The following CROT variants were observed in gnomAD, a reference collection of about 807,000 sequenced individuals.
CROT encodes the protein carnitine O-octanoyltransferase.
A neutral mutation model predicts 89.2 loss-of-function variants in CROT; 84 were observed. The ratio of observed to expected loss-of-function variants is 0.94; its 90% CI spans 0.79 to 1.13. The LOEUF is 1.13. CROT is among the 50% of genes most tolerant of loss of function. CROT has a pLI of 0.00. For missense variants in CROT, 711 were observed against 727.8 expected, an observed-to-expected ratio of 0.98 and a Z score of 0.27; for synonymous variants, 212 against 239.5, an observed-to-expected ratio of 0.89 and a Z score of 1.06.
chr7:87,390,288 T>C (rs1442004243), intron 13 of CROT, among the ~76,000 whole-genome samples: 1 of 152,190 alleles, frequency 6.6e-6, no homozygotes, highest in Non-Finnish European at 1.5e-5. Flanking sequence ...CCAGCATCTA[T>C]TATAAAAAGT....
intron 10 of CROT, among the ~76,000 whole-genome samples, chr7:87,380,488 G>C (rs544258952): frequency 1.1e-5 from 1 of 89,834 alleles, no homozygotes; most frequent in South Asian, 3.9e-4. Context: ...AGTTTAATTA[G>C]AAAGCAAAGT....
intron 7 of CROT, among the ~76,000 whole-genome samples, chr7:87,371,434 C>A (rs575868483): frequency 6.6e-6 from 1 of 152,252 alleles, no homozygotes; most frequent in South Asian, 2.1e-4. Context: ...GTGACCATTT[C>A]TTTATGATAT....
chr7:87,361,555 T>C lies in CROT; in HGVS notation c.406T>C (p.Trp136Arg). 6.3e-7 allele frequency: 1 copy of C among 1,594,070 alleles called. No homozygotes were observed. The highest frequency in any genetic ancestry group is 8.5e-7 in the Non-Finnish European group (1 of 1,171,318). ...SITLWHNLNY[W>R]QLLRKEKVPV... ...AACTCTTTGGCATAACTTGAACTAC[T>C]GGCAGCTATTAAGAAAGTAAGGACA... is the stretch of plus-strand genomic sequence containing the variant. Residue 136 changes from tryptophan to arginine, a missense_variant, in exon 5 of 18, where the codon TGG becomes CGG. Physicochemically the swap from Trp to Arg is moderately radical, Grantham distance 101. Coordinates refer to ENST00000331536, the MANE Select transcript of CROT (RefSeq NM_021151.4).
intron 7 of CROT, among the ~76,000 whole-genome samples, chr7:87,372,018 A>G (rs1171069344): frequency 6.6e-6 from 1 of 151,320 alleles, no homozygotes; most frequent in Non-Finnish European, 1.5e-5. Flanking sequence ...AAAAAAAAAA[A>G]AACAAAAAAA....
At chr7:87,363,896 G>A (rs1175060560) in intron 6 of CROT, among the ~76,000 whole-genome samples, 1 of 152,048 alleles carries the variant, frequency 6.6e-6, no homozygotes, top group African/African-American at 2.4e-5. Flanking sequence ...GATGTATTTT[G>A]GATTTTGGGT....
At chr7:87,355,661 C>T (rs946869162) in intron 3 of CROT, among the ~76,000 whole-genome samples, 1 of 152,002 alleles carries the variant, frequency 6.6e-6, no homozygotes, top group Non-Finnish European at 1.5e-5. Context: ...GTGTCACTAG[C>T]GAGACACAGA....
intron 14 of CROT, 49 bp downstream of exon 14, chr7:87,391,761 A>G (rs1261972261): frequency 6.3e-7 from 1 of 1,576,352 alleles, no homozygotes; most frequent in Non-Finnish European, 8.6e-7. Flanking sequence ...TAATTGTTCT[A>G]AAGGAACCGT....
chr7:87,359,439 G>T, intron 4 of CROT, 109 bp downstream of exon 4: 2 of 1,455,666 alleles, frequency 1.4e-6, no homozygotes, highest in Non-Finnish European at 1.8e-6. Context: ...AGTTATTATT[G>T]TTATTTTCAT....
At chr7:87,377,569 T>G in intron 10 of CROT, 119 bp downstream of exon 10, 1 of 617,706 alleles carries the variant, frequency 1.6e-6, no homozygotes, top group Non-Finnish European at 2.8e-6. Flanking sequence ...TTTATGGCAC[T>G]GTGGTGAAAA....
At chr7:87,391,162 C>G (rs1259076656) in intron 13 of CROT, among the ~76,000 whole-genome samples, 1 of 152,248 alleles carries the variant, frequency 6.6e-6, no homozygotes, top group Admixed American at 6.5e-5. Flanking sequence ...AGCATGGCAG[C>G]TGGCTTTCTT....
Position 87,377,336 on chromosome 7 carries a change from A to T in CROT, c.877-13A>T. The stretch of plus-strand genomic sequence containing the variant: ...TAAACCCTTTTAATTTGGAAAAATT[A>T]AATTTATTTTAGATTATTGCAGCCA... On this transcript the variant is annotated splice_polypyrimidine_tract_variant and intron_variant, in intron 9 of 17. Transcript: ENST00000331536. 2 of 1,540,666 alleles carry T rather than the reference A, an allele frequency of 1.3e-6. No individual in the cohort carries two copies. Among genetic ancestry groups the T allele is most frequent in the Non-Finnish European group, 1.8e-6 (2 of 1,123,226 alleles).
At chr7:87,355,477 T>C (rs775725991) in intron 3 of CROT, among the ~76,000 whole-genome samples, 13 of 152,198 alleles carry the variant, frequency 8.5e-5, no homozygotes, top group Non-Finnish European at 1.6e-4. Context: ...CTTTCATAGG[T>C]AAATTTTAAA....
rs760105748 is a variant in CROT, at chr7:87,361,575, AG to A, written c.422+6del. 3.7e-5 allele frequency: 59 copies of A among 1,582,526 alleles called. No homozygotes were observed. The Admixed American group carries it at 1.1e-3, about 30-fold the overall frequency. ...ACTACTGGCAGCTATTAAGAAAGTA[AG>A]GACACATGTGAATTTAGTGACAGGC... On this transcript the variant is annotated splice_donor_5th_base_variant and intron_variant, in intron 5 of 17. Coordinates refer to ENST00000331536, the MANE Select transcript of CROT (RefSeq NM_021151.4).
At chr7:87,346,926 A>G (rs572543878) in intron 2 of CROT, among the ~76,000 whole-genome samples, 1 of 152,324 alleles carries the variant, frequency 6.6e-6, no homozygotes, top group Non-Finnish European at 1.5e-5. Flanking sequence ...GTAGATTTGG[A>G]TTCTTTTCTG....
chr7:87,373,558 G>A (rs967581344), intron 7 of CROT, among the ~76,000 whole-genome samples: 18 of 152,126 alleles, frequency 1.2e-4, no homozygotes, highest in African/African-American at 4.3e-4. Flanking sequence ...AAAAAATTGT[G>A]GGAAGGGGGA....
Position 87,369,611 on chromosome 7 carries a change from T to TA in CROT, c.656+136dup, listed in dbSNP as rs532320552. 1.3e-3 allele frequency: 445 copies of TA among 344,336 alleles called. 2 individuals are homozygous for TA. The highest frequency in any genetic ancestry group is 7.1e-3 in the African/African-American group (276 of 38,696). 21.3% of individuals were successfully genotyped at this position (344,336 alleles called of 1,614,324 possible). A position where few individuals can be genotyped will look rare whatever the true frequency, so the allele number is the denominator to read the frequency against. Reference sequence around the variant, plus strand: ...AATAAGAATTTTATGCATGCTTTTTTAAAAAAAAATCTATTTGTATTTTTT... The same window carrying TA: ...AATAAGAATTTTATGCATGCTTTTTTAAAAAAAAAATCTATTTGTATTTTTT... On this transcript the variant is annotated intron_variant, in intron 7 of 17. Coordinates refer to ENST00000331536, the MANE Select transcript of CROT (RefSeq NM_021151.4).
rs776864214 is a variant in CROT, at chr7:87,357,575, C to T, written c.116-1631C>T. On this transcript the variant is annotated intron_variant, in intron 3 of 17. Coordinates refer to ENST00000331536, the MANE Select transcript of CROT (RefSeq NM_021151.4). Reference sequence around the variant, plus strand: ...TAAGAGAGGGTTCTTGGATCTCACGCGGGAAGGAATTCAAGGTGAGTTGCA... The same window carrying T: ...TAAGAGAGGGTTCTTGGATCTCACGTGGGAAGGAATTCAAGGTGAGTTGCA... 7.0e-5 allele frequency: 91 copies of T among 1,302,932 alleles called. No individual in the cohort carries two copies. Among genetic ancestry groups the T allele is most frequent in the South Asian group, 2.7e-4 (21 of 78,968 alleles). 80.7% of individuals were successfully genotyped at this position (1,302,932 alleles called of 1,614,324 possible). A position where few individuals can be genotyped will look rare whatever the true frequency, so the allele number is the denominator to read the frequency against.
At chr7:87,363,473 G>A (rs191008175) in intron 6 of CROT, among the ~76,000 whole-genome samples, 15 of 152,248 alleles carry the variant, frequency 9.9e-5, no homozygotes, top group Non-Finnish European at 1.9e-4. Context: ...TTTTGTTGTT[G>A]TTGTTACTTT....
chr7:87,379,727 T>C (rs1806930674), intron 10 of CROT, among the ~76,000 whole-genome samples: 1 of 152,256 alleles, frequency 6.6e-6, no homozygotes, highest in South Asian at 2.1e-4. Flanking sequence ...CTCCACCTGA[T>C]AATTTGCATT....
Sources: allele counts gnomAD v4.1 joint callset (sites outside exome capture counted in the v4.1 genomes callset), GRCh38; gene constraint gnomAD v4.1.1; transcripts MANE v1.5; gene names NCBI Gene and HGNC (gene_info 2026-07-23, HGNC 2026-07-21).